Variants in GPR158 observed in about 807,000 individuals in gnomAD.
The protein encoded by GPR158 is G protein-coupled receptor 158.
A neutral mutation model predicts 78.2 loss-of-function variants in GPR158; 30 were observed. The ratio of observed to expected loss-of-function variants is 0.38; its 90% CI spans 0.29 to 0.52. The LOEUF is 0.52. Among genes scored for constraint, GPR158 ranks in the 20% least tolerant of loss-of-function variants. The probability of loss-of-function intolerance (pLI) is 0.83; values close to 1 mark genes in which losing one functional copy is unlikely to be tolerated. For synonymous variants in GPR158, 581 were observed against 591.1 expected (o/e 0.98, Z 0.25); for missense variants, 1,463 against 1,523.5 (o/e 0.96, Z 0.66).
Position 25,294,624 on chromosome 10 carries a change from GA to G in GPR158, c.1008+73477del, listed in dbSNP as rs34331789. On this transcript the variant is annotated intron_variant, in intron 2 of 10. Transcript: ENST00000376351. The stretch of plus-strand genomic sequence containing the variant: ...TAGTATGGATAGCAAGAGGAATGTG[GA>G]AAAAAAAAATGGCAACCTCTATGAT... 7.2e-4 allele frequency among the ~76,000 whole-genome samples: 109 copies of G among 150,386 alleles called. 1 individual carries two copies. The highest frequency in any genetic ancestry group is 5.1e-3 in the East Asian group (26 of 5,078).
At position 25,241,124 on chromosome 10, in the gene GPR158, A is replaced by AT. The variant is rs1293141212; in HGVS notation, c.1008+19971dup. Among the ~76,000 whole-genome samples the AT allele has an allele frequency of 2.5e-5, 3 of 121,806 alleles. 1 individual carries two copies. Among genetic ancestry groups the AT allele is most frequent in the African/African-American group, 9.4e-5 (3 of 31,796 alleles). 79.9% of individuals were successfully genotyped at this position (121,806 alleles called of 152,430 possible). On this transcript the variant is annotated intron_variant, in intron 2 of 10. Coordinates refer to ENST00000376351, the MANE Select transcript of GPR158 (RefSeq NM_020752.3). The stretch of plus-strand genomic sequence containing the variant: ...GACCAAATATTGAATTTTTACTTTG[A>AT]TTTTCTTTCTTTCTTTCTTTCTTTC...
intron 1 of GPR158, among the ~76,000 whole-genome samples, chr10:25,195,600 T>C (rs1852833351): frequency 1.3e-5 from 2 of 152,246 alleles, no homozygotes; most frequent in African/African-American, 4.8e-5. Flanking sequence ...TATAAGTCGC[T>C]TTAGGTCTTT....
chr10:25,302,399 T>C (rs1854612536), intron 2 of GPR158, among the ~76,000 whole-genome samples: 1 of 152,132 alleles, frequency 6.6e-6, no homozygotes, highest in African/African-American at 2.4e-5. Context: ...TTCCTTTTTA[T>C]TGCTGAATAG....
intron 2 of GPR158, among the ~76,000 whole-genome samples, chr10:25,343,062 G>A (rs1357064226): frequency 6.6e-6 from 1 of 151,914 alleles, no homozygotes; most frequent in African/African-American, 2.4e-5. Context: ...ATTAGATTAT[G>A]AGCAAACTTC....
intron 2 of GPR158, among the ~76,000 whole-genome samples, chr10:25,225,432 T>G (rs899817542): frequency 6.6e-6 from 1 of 152,050 alleles, no homozygotes; most frequent in Admixed American, 6.6e-5. Context: ...AGTGTCAATG[T>G]TAATGTTTTT....
At chr10:25,579,587 G>T (rs1380525107) in intron 7 of GPR158, among the ~76,000 whole-genome samples, 1 of 152,158 alleles carries the variant, frequency 6.6e-6, no homozygotes, top group African/African-American at 2.4e-5. Context: ...AGATAAGCTA[G>T]AACAAGTGGG....
At chr10:25,271,753 C>T (rs781163156) in intron 2 of GPR158, among the ~76,000 whole-genome samples, 1 of 152,032 alleles carries the variant, frequency 6.6e-6, no homozygotes, top group African/African-American at 2.4e-5. Context: ...CCTCCACTTC[C>T]TGGGTTCAAG....
At chr10:25,593,467 G>A (rs1837366344) in intron 8 of GPR158, among the ~76,000 whole-genome samples, 1 of 151,982 alleles carries the variant, frequency 6.6e-6, no homozygotes, top group African/African-American at 2.4e-5. Context: ...GTGGCAAAAT[G>A]TCATATTTTG....
At chr10:25,198,353 C>T (rs896071377) in intron 1 of GPR158, among the ~76,000 whole-genome samples, 3 of 152,196 alleles carry the variant, frequency 2.0e-5, no homozygotes, top group Admixed American at 1.3e-4. Context: ...TGGCAAGCTT[C>T]TCTGGACATG....
At chr10:25,555,883 C>T (rs1211418395) in intron 6 of GPR158, among the ~76,000 whole-genome samples, 1 of 152,146 alleles carries the variant, frequency 6.6e-6, no homozygotes, top group East Asian at 1.9e-4. Context: ...GGGTACAACC[C>T]TTAGCTGTTT....
intron 4 of GPR158, among the ~76,000 whole-genome samples, chr10:25,452,015 T>TG (rs1234921057): frequency 7.0e-5 from 10 of 142,720 alleles, no homozygotes; most frequent in South Asian, 2.3e-4. Flanking sequence ...CTTTTTGTTT[T>TG]GTTTTGGTTT....
chr10:25,221,027 TC>T, intron 1 of GPR158, 24 bp from the exon 2 acceptor site: 1 of 1,165,344 alleles, frequency 8.6e-7, no homozygotes, highest in Non-Finnish European at 1.3e-6. Flanking sequence ...ATTAATTTGT[TC>T]TTTTTATCCT....
At chr10:25,568,395 A>T (rs1836960870) in intron 6 of GPR158, among the ~76,000 whole-genome samples, 1 of 152,224 alleles carries the variant, frequency 6.6e-6, no homozygotes, top group South Asian at 2.1e-4. Flanking sequence ...AGAGACTGAA[A>T]AGGAGCTAGC....
chr10:25,372,384 T>G lies in GPR158; in HGVS notation c.1009-23527T>G, dbSNP rs183440158. Reference sequence around the variant, plus strand: ...TATATACCCAAAGGGCTGTAAATCATGCTGCTATAAAGACACATGCACACA... The same window carrying G: ...TATATACCCAAAGGGCTGTAAATCAGGCTGCTATAAAGACACATGCACACA... On this transcript the variant is annotated intron_variant, in intron 2 of 10. Coordinates refer to ENST00000376351, the MANE Select transcript of GPR158 (RefSeq NM_020752.3). Among the ~76,000 whole-genome samples the G allele has an allele frequency of 6.6e-3, 996 of 151,326 alleles. 4 individuals carry two copies. The highest frequency in any genetic ancestry group is 0.011 in the Non-Finnish European group (716 of 67,786).
At chr10:25,343,280 G>A (rs1442521647) in intron 2 of GPR158, among the ~76,000 whole-genome samples, 1 of 151,906 alleles carries the variant, frequency 6.6e-6, no homozygotes. Flanking sequence ...TTTAATAGGA[G>A]GAGGAAGAAA....
chr10:25,386,317 A>G (rs1280457738), intron 2 of GPR158, among the ~76,000 whole-genome samples: 1 of 152,162 alleles, frequency 6.6e-6, no homozygotes, highest in Non-Finnish European at 1.5e-5. Flanking sequence ...TTATGCCAGT[A>G]CCACACTGTT....
intron 2 of GPR158, among the ~76,000 whole-genome samples, chr10:25,288,597 TAA>T (rs1157634783): frequency 2.6e-5 from 4 of 152,354 alleles, no homozygotes; most frequent in African/African-American, 9.6e-5. Flanking sequence ...GAGAGGAACG[TAA>T]TTTTCAGATT....
intron 4 of GPR158, among the ~76,000 whole-genome samples, chr10:25,423,186 C>T (rs146788530): frequency 0.017 from 2,594 of 149,774 alleles, 69 homozygotes; most frequent in African/African-American, 0.052. Context: ...TGTATATACA[C>T]ACATATATAC....
At chr10:25,399,167 A>G (rs1588845107) in intron 3 of GPR158, among the ~76,000 whole-genome samples, 1 of 151,798 alleles carries the variant, frequency 6.6e-6, no homozygotes, top group African/African-American at 2.4e-5. Flanking sequence ...GCGAAGGGGG[A>G]AGGCCCTTAT....
Sources: gnomAD v4.1 joint callset for allele counts (sites outside exome capture counted in the v4.1 genomes callset) on GRCh38, gnomAD v4.1.1 for gene constraint, MANE v1.5 for transcripts, NCBI Gene and HGNC (gene_info 2026-07-23, HGNC 2026-07-21) for gene names.